Variants in PLS1 observed in about 807,000 individuals in gnomAD.
PLS1 encodes the protein plastin-1.
PLS1 carries 32 observed loss-of-function variants against 73.7 expected under a neutral mutation model. The observed-to-expected ratio is 0.43, with a 90% CI of 0.33 to 0.58. The LOEUF (loss-of-function observed/expected upper bound fraction) is 0.58. Among genes scored for constraint, PLS1 ranks in the 20% least tolerant of loss-of-function variants. The pLI is 0.04. For synonymous variants in PLS1, 217 were observed against 261.3 expected (o/e 0.83, Z 1.63); for missense variants, 633 against 740.5 (o/e 0.85, Z 1.68).
At chr3:142,674,140 G>A (rs113398930) in intron 4 of PLS1, among the ~76,000 whole-genome samples, 3 of 151,902 alleles carry the variant, frequency 2.0e-5, no homozygotes, top group African/African-American at 7.3e-5. Flanking sequence ...TATATTTCTG[G>A]TGGTGTGTGT....
At chr3:142,648,922 G>C (rs2037018601) in intron 1 of PLS1, among the ~76,000 whole-genome samples, 1 of 152,176 alleles carries the variant, frequency 6.6e-6, no homozygotes, top group Non-Finnish European at 1.5e-5. Flanking sequence ...TTGCCACTCA[G>C]TGTACCTGTT....
intron 2 of PLS1, among the ~76,000 whole-genome samples, chr3:142,665,770 A>C (rs1291243059): frequency 6.6e-6 from 1 of 151,846 alleles, no homozygotes; most frequent in Non-Finnish European, 1.5e-5. Flanking sequence ...TTATTTAATG[A>C]TATATTGAAT....
intron 1 of PLS1, among the ~76,000 whole-genome samples, chr3:142,656,369 T>C (rs181806098): frequency 5.9e-5 from 9 of 152,366 alleles, no homozygotes; most frequent in Non-Finnish European, 1.2e-4. Context: ...TTGAATTATA[T>C]TGCACCATTT....
At chr3:142,663,570 A>G (rs967905153) in intron 1 of PLS1, among the ~76,000 whole-genome samples, 3 of 152,158 alleles carry the variant, frequency 2.0e-5, no homozygotes, top group African/African-American at 7.2e-5. Flanking sequence ...ACAGTGGCAC[A>G]TGCCTGTAGT....
At chr3:142,631,878 C>G (rs541219309) in intron 1 of PLS1, among the ~76,000 whole-genome samples, 40 of 152,050 alleles carry the variant, frequency 2.6e-4, no homozygotes, top group African/African-American at 9.6e-4. Context: ...GGGACTTCAT[C>G]AAACCAAAAA....
chr3:142,650,896 A>G (rs1230481028), intron 1 of PLS1, among the ~76,000 whole-genome samples: 2 of 151,932 alleles, frequency 1.3e-5, no homozygotes, highest in African/African-American at 4.8e-5. Flanking sequence ...ATGAGAAGAA[A>G]AAGATCCTGG....
intron 1 of PLS1, among the ~76,000 whole-genome samples, chr3:142,602,170 A>G (rs2035939524): frequency 6.6e-6 from 1 of 151,686 alleles, no homozygotes; most frequent in Non-Finnish European, 1.5e-5. Flanking sequence ...TTCCTAGAGA[A>G]AGGGACAGCA....
At chr3:142,704,865 A>G (rs977802799) in intron 14 of PLS1, among the ~76,000 whole-genome samples, 3 of 145,232 alleles carry the variant, frequency 2.1e-5, no homozygotes, top group East Asian at 2.0e-4. Flanking sequence ...TCACCATGTT[A>G]GCCAGGATGG....
chr3:142,707,030 G>C (rs2038476012), intron 14 of PLS1, among the ~76,000 whole-genome samples: 1 of 152,168 alleles, frequency 6.6e-6, no homozygotes, highest in Non-Finnish European at 1.5e-5. Context: ...AAATGGGAGT[G>C]CATAAACCTT....
At chr3:142,640,280 G>A (rs1202750733) in intron 1 of PLS1, among the ~76,000 whole-genome samples, 1 of 152,172 alleles carries the variant, frequency 6.6e-6, no homozygotes, top group Non-Finnish European at 1.5e-5. Flanking sequence ...TTTTGGTAGG[G>A]TTTTAGTGAC....
At chr3:142,683,908 T>C in intron 6 of PLS1, 98 bp from the exon 7 acceptor site, 1 of 772,608 alleles carries the variant, frequency 1.3e-6, no homozygotes, top group Non-Finnish European at 2.0e-6. Flanking sequence ...TGTTTATAAA[T>C]CTGAAATTTG....
At chr3:142,600,912 A>ATTTTT (rs1560024555) in intron 1 of PLS1, among the ~76,000 whole-genome samples, 15 of 20,782 alleles carry the variant, frequency 7.2e-4, no homozygotes, top group African/African-American at 2.6e-3. Context: ...ATATATATAT[A>ATTTTT]TATATTTTTT....
At chr3:142,682,701 G>C (rs757559676) in intron 6 of PLS1, among the ~76,000 whole-genome samples, 32 of 152,208 alleles carry the variant, frequency 2.1e-4, no homozygotes, top group Admixed American at 1.1e-3. Context: ...AAAAATATTA[G>C]TGGTCATGCC....
chr3:142,676,429 A>C, intron 5 of PLS1, 140 bp downstream of exon 5: 2 of 792,140 alleles, frequency 2.5e-6, no homozygotes, highest in Non-Finnish European at 4.0e-6. Flanking sequence ...ATTGCATAGA[A>C]AATGAACTAC....
At chr3:142,674,932 T>C (rs956604866) in intron 4 of PLS1, among the ~76,000 whole-genome samples, 3 of 152,174 alleles carry the variant, frequency 2.0e-5, no homozygotes, top group African/African-American at 7.2e-5. Context: ...GGTTTTGCCA[T>C]GTTGGCCAGG....
At chr3:142,675,863 C>T (rs545769692) in intron 4 of PLS1, among the ~76,000 whole-genome samples, 11 of 151,600 alleles carry the variant, frequency 7.3e-5, no homozygotes, top group Non-Finnish European at 1.2e-4. Context: ...TCAATAGAGA[C>T]GGGGGTTTCT....
chr3:142,638,690 G>C (rs976358970), intron 1 of PLS1, among the ~76,000 whole-genome samples: 1 of 151,952 alleles, frequency 6.6e-6, no homozygotes, highest in African/African-American at 2.4e-5. Flanking sequence ...CAAAATTTAG[G>C]TGTGTAAGAA....
intron 1 of PLS1, among the ~76,000 whole-genome samples, chr3:142,616,133 G>A (rs1317557172): frequency 1.3e-5 from 2 of 152,106 alleles, no homozygotes; most frequent in African/African-American, 2.4e-5. Flanking sequence ...AGTGCAAAGA[G>A]GCCAAAGCTT....
intron 1 of PLS1, among the ~76,000 whole-genome samples, chr3:142,605,929 T>C (rs1019730887): frequency 2.0e-5 from 3 of 152,244 alleles, no homozygotes; most frequent in African/African-American, 7.2e-5. Context: ...TACAAAGTTA[T>C]ATTCTCCCTA....
Sources: gnomAD v4.1 joint callset for allele counts (sites outside exome capture counted in the v4.1 genomes callset) on GRCh38, gnomAD v4.1.1 for gene constraint, MANE v1.5 for transcripts, NCBI Gene and HGNC (gene_info 2026-07-23, HGNC 2026-07-21) for gene names.